The following SAMSN1 variants were observed in gnomAD, a reference collection of about 807,000 sequenced individuals.
SAMSN1 encodes the protein SAM domain, SH3 domain and nuclear localization signals 1.
Under a neutral mutation model 42.0 loss-of-function variants are expected in SAMSN1, and 31 were observed. The observed-to-expected ratio is 0.74, with a 90% CI of 0.55 to 1.00. The LOEUF (loss-of-function observed/expected upper bound fraction) is 1.00. Among genes scored for constraint, SAMSN1 ranks in the 50% least tolerant of loss-of-function variants. The probability of loss-of-function intolerance (pLI) is 0.00; values close to 1 mark genes in which losing one functional copy is unlikely to be tolerated. For missense variants in SAMSN1, 464 were observed against 439.4 expected (o/e 1.06, Z -0.50); for synonymous variants, 178 against 151.9 (o/e 1.17, Z -1.26).
chr21:14,582,713 C>A (rs575260858), intron 1 of SAMSN1, among the ~76,000 whole-genome samples: 14 of 151,870 alleles, frequency 9.2e-5, no homozygotes, highest in African/African-American at 3.4e-4. Context: ...TTTTTGAAAC[C>A]ATAACAATTG....
chr21:14,652,605 A>T (rs1308264580), intron 1 of SAMSN1, among the ~76,000 whole-genome samples: 3 of 152,124 alleles, frequency 2.0e-5, no homozygotes, highest in Non-Finnish European at 4.4e-5. Flanking sequence ...CATTAGGGAA[A>T]ATCTTCAAGA....
At chr21:14,625,809 C>T (rs1292903544) in intron 2 of SAMSN1, among the ~76,000 whole-genome samples, 1 of 152,210 alleles carries the variant, frequency 6.6e-6, no homozygotes, top group East Asian at 1.9e-4. Context: ...AAACAAGAGC[C>T]TGCATTGCCA....
intron 1 of SAMSN1, among the ~76,000 whole-genome samples, chr21:14,526,614 A>G (rs1368885989): frequency 1.3e-5 from 2 of 152,194 alleles, no homozygotes; most frequent in African/African-American, 4.8e-5. Flanking sequence ...GCTCTTCTCA[A>G]TAAGGAAACT....
intron 6 of SAMSN1, chr21:14,594,185 G>A (rs1201523977): frequency 1.7e-6 from 1 of 595,192 alleles, no homozygotes; most frequent in Non-Finnish European, 3.0e-6. Context: ...AGGATTCGCT[G>A]TCTTAATTAG....
Position 14,632,552 on chromosome 21 carries a change from T to C in SAMSN1, c.156+10450A>G, listed in dbSNP as rs556953264. Among the ~76,000 whole-genome samples, 5 of 152,330 alleles carry C rather than the reference T, an allele frequency of 3.3e-5. No homozygotes were observed. The East Asian group carries it at 7.7e-4, about 23-fold the overall frequency. ...TTGTATAATTGTAATACAAATAATA[T>C]TGTAATACAAATAATTGTGTATTAT... On this transcript the variant is annotated intron_variant, in intron 2 of 15. Coordinates refer to the SAMSN1 transcript ENST00000647101.
At chr21:14,640,274 T>C (rs1983562421) in intron 2 of SAMSN1, among the ~76,000 whole-genome samples, 1 of 152,204 alleles carries the variant, frequency 6.6e-6, no homozygotes, top group Non-Finnish European at 1.5e-5. Flanking sequence ...ATTATTTTTA[T>C]TATGGGCTAT....
chr21:14,651,821 G>T (rs1983841557), intron 1 of SAMSN1, among the ~76,000 whole-genome samples: 1 of 151,930 alleles, frequency 6.6e-6, no homozygotes, highest in Non-Finnish European at 1.5e-5. Context: ...AACAAATTTA[G>T]CAACGTTGCA....
chr21:14,545,684 C>G (rs568681579), intron 1 of SAMSN1, among the ~76,000 whole-genome samples: 3 of 151,976 alleles, frequency 2.0e-5, no homozygotes, highest in Admixed American at 2.0e-4. Context: ...AACATTAGTT[C>G]GAGAGAATAG....
At chr21:14,602,324 C>G (rs143136892) in intron 5 of SAMSN1, among the ~76,000 whole-genome samples, 138 of 152,122 alleles carry the variant, frequency 9.1e-4, no homozygotes, top group African/African-American at 3.2e-3. Flanking sequence ...CGCTGACCAT[C>G]TGTGTCCCTG....
intron 7 of SAMSN1, among the ~76,000 whole-genome samples, chr21:14,491,422 C>G (rs68107885): frequency 0.069 from 10,511 of 152,138 alleles, 651 homozygotes; most frequent in East Asian, 0.34. Context: ...TTTCCTTCTG[C>G]TTCTTAAAAG....
Position 14,632,463 on chromosome 21 carries a change from G to A in SAMSN1, c.156+10539C>T, listed in dbSNP as rs541296867. On this transcript the variant is annotated intron_variant, in intron 2 of 15. Transcript: ENST00000647101. ...TGTGCACAAATTTATACAAATAATT[G>A]TGTATTATTTGTATAATTGTAATAC... 5.7e-3 allele frequency among the ~76,000 whole-genome samples: 870 copies of A among 151,886 alleles called. 4 individuals are homozygous for A. Among genetic ancestry groups the A allele is most frequent in the Non-Finnish European group, 9.6e-3 (654 of 67,970 alleles).
At chr21:14,644,475 C>T (rs1983673654) in intron 1 of SAMSN1, among the ~76,000 whole-genome samples, 1 of 152,146 alleles carries the variant, frequency 6.6e-6, no homozygotes, top group Non-Finnish European at 1.5e-5. Context: ...GTATTCATTA[C>T]CTGCTAACCG....
chr21:14,532,788 A>G (rs961858246), intron 1 of SAMSN1, among the ~76,000 whole-genome samples: 24 of 152,148 alleles, frequency 1.6e-4, no homozygotes, highest in African/African-American at 5.1e-4. Flanking sequence ...AGATGTCCTA[A>G]CATACAAATC....
At chr21:14,636,755 G>A (rs910268420) in intron 2 of SAMSN1, among the ~76,000 whole-genome samples, 3 of 152,020 alleles carry the variant, frequency 2.0e-5, no homozygotes, top group South Asian at 2.1e-4. Context: ...AGGCTGAGGC[G>A]GTGGCGGGGT....
At chr21:14,646,806 C>A (rs1347958195) in intron 1 of SAMSN1, among the ~76,000 whole-genome samples, 1 of 152,128 alleles carries the variant, frequency 6.6e-6, no homozygotes, top group Non-Finnish European at 1.5e-5. Context: ...AATTAGTTTT[C>A]TTTTTGCTTG....
intron 2 of SAMSN1, among the ~76,000 whole-genome samples, chr21:14,639,909 G>T (rs1483314522): frequency 6.6e-6 from 1 of 151,908 alleles, no homozygotes; most frequent in South Asian, 2.1e-4. Context: ...TCTTAAATTG[G>T]TTTCTCTTTG....
chr21:14,520,040 A>G (rs1978351174), intron 2 of SAMSN1, among the ~76,000 whole-genome samples: 3 of 152,230 alleles, frequency 2.0e-5, no homozygotes, highest in Admixed American at 2.0e-4. Flanking sequence ...AAATAGATAT[A>G]CTAATAGTTC....
rs548107056 is a variant in SAMSN1, at chr21:14,621,349, C to T, written c.157-5333G>A. Among the ~76,000 whole-genome samples the T allele has an allele frequency of 5.3e-5, 8 of 152,262 alleles. No homozygotes were observed. The East Asian group carries it at 5.8e-4, about 11-fold the overall frequency. On this transcript the variant is annotated intron_variant, in intron 2 of 15. Coordinates refer to the SAMSN1 transcript ENST00000647101. The stretch of plus-strand genomic sequence containing the variant: ...TGTGAGCCGAAGCAGGACAAGGCAT[C>T]GCCTCACCTGGGAAGCACAAGGGAC...
intron 2 of SAMSN1, among the ~76,000 whole-genome samples, chr21:14,574,836 T>C (rs1321745464): frequency 6.6e-6 from 1 of 152,202 alleles, no homozygotes; most frequent in Non-Finnish European, 1.5e-5. Context: ...CATCTTCTAC[T>C]ATTATAATAT....
Sources: allele counts gnomAD v4.1 joint callset (sites outside exome capture counted in the v4.1 genomes callset), GRCh38; gene constraint gnomAD v4.1.1; transcripts MANE v1.5; gene names NCBI Gene and HGNC (gene_info 2026-07-23, HGNC 2026-07-21).